NECTIN3: variants seen among roughly 807,000 people sequenced by gnomAD.
The protein encoded by NECTIN3 is nectin cell adhesion molecule 3, also known as nectin-3.
In NECTIN3, 8 loss-of-function variants were observed where a neutral mutation model predicts 49.4. The ratio of observed to expected loss-of-function variants is 0.16; its 90% CI spans 0.10 to 0.29. The LOEUF (loss-of-function observed/expected upper bound fraction) is 0.29, where lower values mean the gene tolerates loss of function less well. Among genes scored for constraint, NECTIN3 ranks in the 10% least tolerant of loss-of-function variants. The probability of loss-of-function intolerance (pLI) is 1.00; values close to 1 mark genes in which losing one functional copy is unlikely to be tolerated. For synonymous variants in NECTIN3, 277 were observed against 241.1 expected (o/e 1.15, Z -1.38); for missense variants, 581 against 654.6 (o/e 0.89, Z 1.23).
At chr3:111,177,000 C>T (rs950931670) in intron 7 of NECTIN3, among the ~76,000 whole-genome samples, 10 of 152,006 alleles carry the variant, frequency 6.6e-5, no homozygotes, top group African/African-American at 1.4e-4. Context: ...AGATTTTAGG[C>T]GGCCTTTTCT....
intron 7 of NECTIN3, among the ~76,000 whole-genome samples, chr3:111,176,954 C>G (rs952158729): frequency 6.6e-6 from 1 of 152,094 alleles, no homozygotes; most frequent in Admixed American, 6.5e-5. Flanking sequence ...AGTATATAGC[C>G]TGTTGTTTTA....
intron 1 of NECTIN3, chr3:111,072,411 G>A (rs1432727616): frequency 1.3e-6 from 2 of 1,522,564 alleles, no homozygotes; most frequent in Non-Finnish European, 8.8e-7. Context: ...CGCGCGGGTC[G>A]CCGTGCGGAT....
chr3:111,080,249 G>A (rs916634441), intron 1 of NECTIN3, among the ~76,000 whole-genome samples: 6 of 152,090 alleles, frequency 3.9e-5, no homozygotes, highest in South Asian at 2.1e-4. Flanking sequence ...AATTATGTTG[G>A]CTATTTTGAA....
At position 111,133,860 on chromosome 3, in the gene NECTIN3, G is replaced by T. The variant is rs15611; in HGVS notation, c.1295G>T (p.Arg432Leu). 7 of 1,613,916 alleles carry T rather than the reference G, an allele frequency of 4.3e-6. No individual in the cohort carries two copies. The highest frequency in any genetic ancestry group is 5.9e-6 in the Non-Finnish European group (7 of 1,179,890). The change falls in exon 6 of 6, where the codon CGG (arginine) becomes CTG (leucine). Residue 432 changes from arginine to leucine, a missense_variant. Arg to Leu is a moderately radical substitution (Grantham distance 102). Transcript: ENST00000485303. ...LAGIFCYRRR[R>L]TFRGDYFAKN... ...GGAATATTCTGCTATAGGAGAAGACGGACGTTTCGTGGAGACTACTTTGCC... is the reference window on the plus strand; with the variant it reads ...GGAATATTCTGCTATAGGAGAAGACTGACGTTTCGTGGAGACTACTTTGCC...
chr3:111,089,058 A>T (rs905033619), intron 1 of NECTIN3, among the ~76,000 whole-genome samples: 1 of 152,070 alleles, frequency 6.6e-6, no homozygotes, highest in Non-Finnish European at 1.5e-5. Context: ...TGTCAACTTC[A>T]TGCTTTCAAA....
At chr3:111,125,362 C>T (rs1032638196) in intron 4 of NECTIN3, among the ~76,000 whole-genome samples, 1 of 150,926 alleles carries the variant, frequency 6.6e-6, no homozygotes, top group Non-Finnish European at 1.5e-5. Flanking sequence ...AACAAACAAA[C>T]AAAAACCTTT....
intron 7 of NECTIN3, among the ~76,000 whole-genome samples, chr3:111,166,220 A>T (rs1166085223): frequency 6.6e-6 from 1 of 152,170 alleles, no homozygotes; most frequent in Non-Finnish European, 1.5e-5. Flanking sequence ...TAAATACTTG[A>T]AGCTTCAAGT....
At chr3:111,156,442 A>G (rs1306947023) in intron 7 of NECTIN3, among the ~76,000 whole-genome samples, 1 of 152,212 alleles carries the variant, frequency 6.6e-6, no homozygotes, top group Non-Finnish European at 1.5e-5. Flanking sequence ...CAGTTTTCAA[A>G]TAAGTTAGAA....
At chr3:111,184,450 G>A (rs908417340) in intron 7 of NECTIN3, among the ~76,000 whole-genome samples, 3 of 152,074 alleles carry the variant, frequency 2.0e-5, no homozygotes, top group African/African-American at 2.4e-5. Flanking sequence ...TTCTCTCTGC[G>A]TTGTATGCTT....
chr3:111,137,603 C>T (rs147046297), downstream of NECTIN3: 497 of 641,848 alleles, frequency 7.7e-4, 9 homozygotes, highest in Admixed American at 0.027. Flanking sequence ...CCATCTTTGT[C>T]CTCGTATTTA....
At chr3:111,077,448 A>T (rs1236194815) in intron 1 of NECTIN3, among the ~76,000 whole-genome samples, 1 of 150,322 alleles carries the variant, frequency 6.7e-6, no homozygotes, top group African/African-American at 2.4e-5. Context: ...CACAAGAAAT[A>T]AAAGAACAGA....
intron 7 of NECTIN3, among the ~76,000 whole-genome samples, chr3:111,156,832 AT>A: frequency 6.6e-6 from 1 of 152,144 alleles, no homozygotes; most frequent in East Asian, 1.9e-4. Context: ...TTCCAAATTT[AT>A]TTTGCTGATT....
chr3:111,164,581 GC>G (rs750645788), intron 7 of NECTIN3, among the ~76,000 whole-genome samples: 3 of 152,162 alleles, frequency 2.0e-5, no homozygotes, highest in Non-Finnish European at 4.4e-5. Context: ...CAAGGTGTTG[GC>G]AAGGTGTCCA....
At chr3:111,077,188 G>A (rs2107353104) in intron 1 of NECTIN3, 1 of 436,400 alleles carries the variant, frequency 2.3e-6, no homozygotes, top group South Asian at 1.7e-5. Flanking sequence ...TCTTTAGTAT[G>A]GCATCCAGGA....
intron 1 of NECTIN3, among the ~76,000 whole-genome samples, chr3:111,098,513 T>G (rs1487636580): frequency 6.6e-6 from 1 of 152,218 alleles, no homozygotes; most frequent in East Asian, 1.9e-4. Flanking sequence ...TTCCTGTGTC[T>G]TTACATGGCC....
chr3:111,166,770 A>G lies in NECTIN3; in HGVS notation c.1221+19286A>G, dbSNP rs549939479. Reference sequence around the variant, plus strand: ...AGTAATGATCGAAAGCTTTGGGTCCATTCTCTTTGGCTATATCACAAGCCT... The same window carrying G: ...AGTAATGATCGAAAGCTTTGGGTCCGTTCTCTTTGGCTATATCACAAGCCT... On this transcript the variant is annotated intron_variant, in intron 7 of 8. Transcript: ENST00000493615. 3.9e-5 allele frequency among the ~76,000 whole-genome samples: 6 copies of G among 152,356 alleles called. No homozygotes were observed. The South Asian group carries it at 6.2e-4, about 16-fold the overall frequency.
intron 7 of NECTIN3, among the ~76,000 whole-genome samples, chr3:111,177,290 C>T (rs1301144052): frequency 6.6e-6 from 1 of 151,914 alleles, no homozygotes; most frequent in Non-Finnish European, 1.5e-5. Context: ...TAATTTTTCT[C>T]TAATCGATAT....
chr3:111,144,619 C>T (rs1265519685), intron 5 of NECTIN3, among the ~76,000 whole-genome samples: 1 of 151,742 alleles, frequency 6.6e-6, no homozygotes, highest in Non-Finnish European at 1.5e-5. Context: ...CTCTTCTTCT[C>T]CAGGTACTCT....
chr3:111,075,038 A>T (rs1023558013), intron 1 of NECTIN3: 7 of 152,122 alleles, frequency 4.6e-5, no homozygotes, highest in African/African-American at 1.7e-4. Context: ...GAGCACAGAA[A>T]AGAAGATCTG....
Sources: allele counts gnomAD v4.1 joint callset (sites outside exome capture counted in the v4.1 genomes callset), GRCh38; gene constraint gnomAD v4.1.1; transcripts MANE v1.5; gene names NCBI Gene and HGNC (gene_info 2026-07-23, HGNC 2026-07-21).